CFAP43: variants seen among roughly 807,000 people sequenced by gnomAD.
CFAP43 encodes the protein cilia and flagella associated protein 43.
CFAP43 carries 155 observed loss-of-function variants against 218.9 expected under a neutral mutation model. The observed-to-expected ratio is 0.71, with a 90% CI of 0.62 to 0.81. The LOEUF (loss-of-function observed/expected upper bound fraction) is 0.81. Ranked by LOEUF, CFAP43 falls within the 30% of genes least tolerant of loss-of-function variation. The probability of loss-of-function intolerance (pLI) is 0.00; values close to 1 mark genes in which losing one functional copy is unlikely to be tolerated. For synonymous variants in CFAP43, 645 were observed against 681.3 expected (o/e 0.95, Z 0.83); for missense variants, 1,778 against 1,954.3 (o/e 0.91, Z 1.70).
At chr10:104,197,039 A>G in intron 9 of CFAP43, 106 bp from the exon 10 acceptor site, 1 of 811,762 alleles carries the variant, frequency 1.2e-6, no homozygotes, top group East Asian at 2.7e-5. Context: ...ATAAAATTTC[A>G]TTTTACTTAC....
intron 24 of CFAP43, among the ~76,000 whole-genome samples, chr10:104,163,669 C>T (rs1318881483): frequency 6.6e-6 from 1 of 152,182 alleles, no homozygotes; most frequent in African/African-American, 2.4e-5. Context: ...GGTACAGGCA[C>T]TGGACCCCAG....
intron 13 of CFAP43, among the ~76,000 whole-genome samples, 172 bp downstream of exon 13, chr10:104,188,098 A>G (rs545947159): frequency 2.6e-4 from 39 of 152,350 alleles, no homozygotes; most frequent in African/African-American, 9.1e-4. Flanking sequence ...AGCCCAGAGG[A>G]AAAGTCCACA....
rs1042864625 is a variant in CFAP43, at chr10:104,164,244, T to C, written c.3096A>G (p.Lys1032=). The change falls in exon 24 of 38, where the codon AAA becomes AAG. Residue 1032 remains lysine (K), a synonymous_variant. Transcript: ENST00000357060. ...CGCGTGCAATTTCAAACTCTTTTTG[T>C]TTATATGCAGCGTCAAACTCATTAT... ...VFNNEFDAAY[K]QKEFEIARVK... 9 of 1,613,486 alleles carry C rather than the reference T, an allele frequency of 5.6e-6. No homozygotes were observed. In the Admixed American group the frequency reaches 1.2e-4, roughly 21 times the overall value.
At chr10:104,194,102 C>T in intron 10 of CFAP43, 88 bp from the exon 11 acceptor site, 1 of 1,485,924 alleles carries the variant, frequency 6.7e-7, no homozygotes, top group Non-Finnish European at 9.1e-7. Context: ...CTTGAAAAGC[C>T]TGCAGGATGA....
intron 16 of CFAP43, 27 bp from the exon 17 acceptor site, chr10:104,182,540 A>G: frequency 2.6e-6 from 4 of 1,550,506 alleles, no homozygotes; most frequent in Non-Finnish European, 3.5e-6. Flanking sequence ...GAAAACACAG[A>G]GGCTATAAAA....
At chr10:104,221,454 T>G (rs2091179148) in intron 3 of CFAP43, among the ~76,000 whole-genome samples, 1 of 152,142 alleles carries the variant, frequency 6.6e-6, no homozygotes, top group Non-Finnish European at 1.5e-5. Flanking sequence ...AGTGTCCTTA[T>G]AAAAGAGAGC....
chr10:104,193,394 G>GC (rs2090287494), intron 11 of CFAP43: 1 of 152,770 alleles, frequency 6.5e-6, no homozygotes, highest in Non-Finnish European at 1.5e-5. Flanking sequence ...TGACTCTGCA[G>GC]CCCAACTACC....
chr10:104,225,574 A>G lies in CFAP43; in HGVS notation c.320-17T>C, dbSNP rs546062078. 3.1e-6 allele frequency: 5 copies of G among 1,587,520 alleles called. No homozygotes were observed. In the East Asian group the frequency reaches 1.1e-4, roughly 36 times the overall value. ...GAATGTTGCCTAAAATATAAAATCCATTATCAGGATTTGATTATGTTAAGA... is the reference window on the plus strand; with the variant it reads ...GAATGTTGCCTAAAATATAAAATCCGTTATCAGGATTTGATTATGTTAAGA... On this transcript the variant is annotated splice_polypyrimidine_tract_variant and intron_variant, in intron 2 of 37. Coordinates refer to ENST00000357060, the MANE Select transcript of CFAP43 (RefSeq NM_025145.7).
intron 2 of CFAP43, among the ~76,000 whole-genome samples, chr10:104,226,699 T>C (rs2091312712): frequency 6.6e-6 from 1 of 152,180 alleles, no homozygotes; most frequent in Non-Finnish European, 1.5e-5. Context: ...ACTTTGCTTT[T>C]TATAGCTATA....
chr10:104,182,765 A>G (rs1319329909), intron 16 of CFAP43, among the ~76,000 whole-genome samples: 1 of 151,988 alleles, frequency 6.6e-6, no homozygotes, highest in Non-Finnish European at 1.5e-5. Context: ...AGGCTGGAGT[A>G]CAGTGATGTA....
chr10:104,151,314 T>G (rs193244594), intron 28 of CFAP43, among the ~76,000 whole-genome samples: 1 of 152,304 alleles, frequency 6.6e-6, no homozygotes, highest in Non-Finnish European at 1.5e-5. Context: ...TTTGAGGAAT[T>G]GCCATACCGC....
Position 104,131,964 on chromosome 10 carries a change from T to C in CFAP43, c.4677+152A>G, listed in dbSNP as rs2134723648. On this transcript the variant is annotated intron_variant, in intron 36 of 37. Coordinates refer to ENST00000357060, the MANE Select transcript of CFAP43 (RefSeq NM_025145.7). Reference sequence around the variant, plus strand: ...ATTTCATTAGTTGCGGTTGCAAAGATACTACTTAGGGACTTTTAATTACCT... The same window carrying C: ...ATTTCATTAGTTGCGGTTGCAAAGACACTACTTAGGGACTTTTAATTACCT... The C allele has an allele frequency of 6.0e-6, 3 of 500,176 alleles. No individual in the cohort carries two copies. In the East Asian group the frequency reaches 1.0e-4, roughly 17 times the overall value. The allele number at this position is 500,176 out of a possible 1,614,324, so 31.0% of individuals were successfully genotyped here.
In CFAP43 at chr10:104,166,625, T is replaced by C; in HGVS notation, c.2902A>G (p.Thr968Ala). 1 of 1,614,166 alleles carries C rather than the reference T, an allele frequency of 6.2e-7. No individual in the cohort carries two copies. The highest frequency in any genetic ancestry group is 8.5e-7 in the Non-Finnish European group (1 of 1,180,016). ...TTGGGCAAATTGCTATATTTTACTG[T>C]CTTGTCTTCCTCTTCCTCTTCTTCA... ...DDEEEEEEDK[T>A]VKYSNLPNYL... The change falls in exon 23 of 38, where the codon ACA (threonine) becomes GCA (alanine). Residue 968 changes from threonine to alanine, a missense_variant. Around this residue, in one of 3 missense-constraint regions of CFAP43, gnomAD observed 1,553 missense variants for 1,685.2 expected, o/e 0.92. Transcript: ENST00000357060.
At chr10:104,130,347 A>G in intron 37 of CFAP43, 42 bp from the exon 38 acceptor site, 1 of 1,576,922 alleles carries the variant, frequency 6.3e-7, no homozygotes, top group South Asian at 1.2e-5. Context: ...ATTTATCAAT[A>G]CTTTCAAATA....
intron 3 of CFAP43, among the ~76,000 whole-genome samples, chr10:104,214,636 T>C (rs773698978): frequency 3.9e-5 from 6 of 152,236 alleles, no homozygotes; most frequent in Non-Finnish European, 8.8e-5. Flanking sequence ...AAAAACACTA[T>C]ACTGTCATAT....
At chr10:104,191,253 T>C (rs1014254411) in intron 12 of CFAP43, among the ~76,000 whole-genome samples, 5 of 152,252 alleles carry the variant, frequency 3.3e-5, no homozygotes, top group African/African-American at 1.2e-4. Context: ...CCAGACTCTT[T>C]GGAATGATAT....
Position 104,164,217 on chromosome 10 carries a change from C to T in CFAP43, c.3123G>A (p.Val1041=). Residue 1041 remains valine, a synonymous_variant, in exon 24 of 38, where the codon GTG becomes GTA. Transcript: ENST00000357060. ...CTCGAATTCGAACATTTCTTTCCTT[C>T]ACGCGTGCAATTTCAAACTCTTTTT... ...YKQKEFEIAR[V]KERNVRIREI... The T allele has an allele frequency of 6.2e-7, 1 of 1,614,044 alleles. No individual in the cohort carries two copies. The highest frequency in any genetic ancestry group is 8.5e-7 in the Non-Finnish European group (1 of 1,179,980).
At chr10:104,207,541 T>C in intron 6 of CFAP43, 124 bp downstream of exon 6, 1 of 897,140 alleles carries the variant, frequency 1.1e-6, no homozygotes, top group South Asian at 1.8e-5. Context: ...AACAGCACAG[T>C]AACAGCCAGA....
At chr10:104,173,524 G>A (rs1363120763) in intron 19 of CFAP43, among the ~76,000 whole-genome samples, 1 of 152,190 alleles carries the variant, frequency 6.6e-6, no homozygotes, top group Non-Finnish European at 1.5e-5. Context: ...AACCCTACCT[G>A]GTGAAGTTCC....
Sources: gnomAD v4.1 joint callset for allele counts (sites outside exome capture counted in the v4.1 genomes callset) on GRCh38, gnomAD v4.1.1 for gene constraint, gnomAD v4.1.1 regional missense constraint, MANE v1.5 for transcripts, NCBI Gene and HGNC (gene_info 2026-07-23, HGNC 2026-07-21) for gene names.